The following ROBO2 variants were observed in gnomAD, a reference collection of about 807,000 sequenced individuals.
The protein encoded by ROBO2 is roundabout homolog 2.
In ROBO2, 53 loss-of-function variants were observed where a neutral mutation model predicts 160.8. The ratio of observed to expected loss-of-function variants is 0.33; its 90% CI spans 0.26 to 0.41. The LOEUF (loss-of-function observed/expected upper bound fraction) is 0.41. Among genes scored for constraint, ROBO2 ranks in the 10% least tolerant of loss-of-function variants. The pLI, the probability that ROBO2 is intolerant of heterozygous loss-of-function variation, is 1.00. For missense variants in ROBO2, 1,577 were observed against 1,722.4 expected (o/e 0.92, Z 1.49); for synonymous variants, 664 against 611.7 (o/e 1.09, Z -1.26).
intron 23 of ROBO2, chr3:77,632,362 T>A: frequency 2.6e-6 from 2 of 781,144 alleles, no homozygotes; most frequent in South Asian, 5.1e-5. Context: ...GAAATCATGA[T>A]GAAACTTCAA....
At chr3:75,960,603 C>A (rs1475291839) in intron 2 of ROBO2, among the ~76,000 whole-genome samples, 2 of 151,612 alleles carry the variant, frequency 1.3e-5, no homozygotes, top group Non-Finnish European at 2.9e-5. Flanking sequence ...TGGCTTTTAC[C>A]AATGGATCTT....
intron 2 of ROBO2, among the ~76,000 whole-genome samples, chr3:77,302,362 GC>G (rs1262447910): frequency 7.3e-5 from 11 of 151,318 alleles, no homozygotes; most frequent in African/African-American, 2.7e-4. Context: ...TGTTTGTGGT[GC>G]GCCCTTAATG....
chr3:76,387,052 A>G (rs2076925449), intron 2 of ROBO2, among the ~76,000 whole-genome samples: 1 of 152,190 alleles, frequency 6.6e-6, no homozygotes, highest in African/African-American at 2.4e-5. Flanking sequence ...GAAGTCCAAG[A>G]TGAAGGTGCT....
chr3:77,183,243 T>A (rs2080962578), intron 2 of ROBO2, among the ~76,000 whole-genome samples: 1 of 152,096 alleles, frequency 6.6e-6, no homozygotes, highest in Admixed American at 6.6e-5. Flanking sequence ...AAATCTAGAA[T>A]TCCACATTCT....
At chr3:76,768,051 T>C (rs1350284972) in intron 2 of ROBO2, among the ~76,000 whole-genome samples, 1 of 151,544 alleles carries the variant, frequency 6.6e-6, no homozygotes, top group South Asian at 2.1e-4. Context: ...ACAATAGGCA[T>C]TGATAACTTC....
chr3:77,328,784 C>G (rs920064487), intron 2 of ROBO2, among the ~76,000 whole-genome samples: 1 of 152,116 alleles, frequency 6.6e-6, no homozygotes, highest in Non-Finnish European at 1.5e-5. Flanking sequence ...GTGTTATTCC[C>G]ACATGCTGTT....
At position 77,586,051 on chromosome 3, in the gene ROBO2, T is replaced by G. The variant is rs7640443; in HGVS notation, c.2501-2700T>G. ...TTAGCCTTCCTTCCAGAAAGTTCCA[T>G]TAAGGAACCATTAATTAAAACATTG... On this transcript the variant is annotated intron_variant, in intron 16 of 25. Coordinates refer to ENST00000461745, the Ensembl canonical transcript of ROBO2. Among the ~76,000 whole-genome samples, 1,476 of 152,198 alleles carry G rather than the reference T, an allele frequency of 9.7e-3. 33 individuals are homozygous for G. Among genetic ancestry groups the G allele is most frequent in the African/African-American group, 0.034 (1,419 of 41,566 alleles).
chr3:76,900,290 A>T (rs2075125951), intron 2 of ROBO2, among the ~76,000 whole-genome samples: 1 of 152,128 alleles, frequency 6.6e-6, no homozygotes, highest in Admixed American at 6.6e-5. Context: ...AAGCCCAACC[A>T]TATTACCCTC....
chr3:76,061,165 A>G (rs1406979618), intron 2 of ROBO2, among the ~76,000 whole-genome samples: 1 of 152,234 alleles, frequency 6.6e-6, no homozygotes, highest in African/African-American at 2.4e-5. Flanking sequence ...AGTTAGTTTC[A>G]TGTCAAAGTT....
intron 2 of ROBO2, among the ~76,000 whole-genome samples, chr3:77,197,458 A>T (rs1194694664): frequency 6.6e-6 from 1 of 152,242 alleles, no homozygotes; most frequent in Non-Finnish European, 1.5e-5. Context: ...TGGGTAAAAT[A>T]ATTACGTTCT....
intron 2 of ROBO2, among the ~76,000 whole-genome samples, chr3:76,108,097 G>A (rs2070029349): frequency 6.6e-6 from 1 of 152,014 alleles, no homozygotes; most frequent in Admixed American, 6.6e-5. Context: ...TGTAATACTA[G>A]CAATGTATAA....
chr3:77,000,456 A>C (rs1340386447), intron 2 of ROBO2, among the ~76,000 whole-genome samples: 1 of 152,154 alleles, frequency 6.6e-6, no homozygotes, highest in Non-Finnish European at 1.5e-5. Flanking sequence ...GTTAAGTTCC[A>C]ACTAGTCTAA....
intron 24 of ROBO2, among the ~76,000 whole-genome samples, chr3:77,639,652 G>A (rs899724032): frequency 6.6e-6 from 1 of 152,164 alleles, no homozygotes; most frequent in African/African-American, 2.4e-5. Context: ...GATAGAGTAC[G>A]AAGTCAGGCA....
intron 2 of ROBO2, among the ~76,000 whole-genome samples, chr3:76,260,325 C>A (rs888901059): frequency 6.6e-6 from 1 of 151,662 alleles, no homozygotes; most frequent in Non-Finnish European, 1.5e-5. Flanking sequence ...GAGGTAATGA[C>A]CATGGAAGTA....
chr3:76,422,016 G>A lies in ROBO2; in HGVS notation c.109+484414G>A, dbSNP rs575675028. Among the ~76,000 whole-genome samples the A allele has an allele frequency of 5.9e-5, 9 of 152,162 alleles. No homozygotes were observed. In the East Asian group the frequency reaches 7.8e-4, roughly 13 times the overall value. On this transcript the variant is annotated intron_variant, in intron 2 of 26. Coordinates refer to the ROBO2 transcript ENST00000487694. ...ACCCAGTAATATTGAACTGTAAATCGTAGGTTCTTAGTAACTTCCTTTGCC... is the reference window on the plus strand; with the variant it reads ...ACCCAGTAATATTGAACTGTAAATCATAGGTTCTTAGTAACTTCCTTTGCC...
intron 2 of ROBO2, among the ~76,000 whole-genome samples, chr3:76,577,834 A>G (rs564309715): frequency 6.6e-6 from 1 of 152,296 alleles, no homozygotes; most frequent in South Asian, 2.1e-4. Flanking sequence ...TGATGAGATA[A>G]GAAATAGGTC....
intron 2 of ROBO2, among the ~76,000 whole-genome samples, chr3:76,406,996 TG>T (rs1469414141): frequency 7.8e-6 from 1 of 127,404 alleles, no homozygotes; most frequent in Non-Finnish European, 1.6e-5. Flanking sequence ...CACCCTGAGT[TG>T]TTTTTTTTTT....
At chr3:77,483,763 A>T (rs2084990203) in intron 4 of ROBO2, among the ~76,000 whole-genome samples, 1 of 147,962 alleles carries the variant, frequency 6.8e-6, no homozygotes, top group Non-Finnish European at 1.5e-5. Flanking sequence ...ACCTATTATT[A>T]TTATAAATAT....
intron 1 of ROBO2, among the ~76,000 whole-genome samples, chr3:77,062,535 T>C (rs1291683914): frequency 6.6e-6 from 1 of 152,174 alleles, no homozygotes; most frequent in Non-Finnish European, 1.5e-5. Flanking sequence ...CACAGCTGGG[T>C]ACTTATTCCT....
Sources: allele counts gnomAD v4.1 joint callset (sites outside exome capture counted in the v4.1 genomes callset), GRCh38; gene constraint gnomAD v4.1.1; transcripts MANE v1.5; gene names NCBI Gene and HGNC (gene_info 2026-07-23, HGNC 2026-07-21).